The following NAV1 variants were observed in gnomAD, a reference collection of about 807,000 sequenced individuals.
The protein encoded by NAV1 is pore membrane and/or filament interacting like protein 3.
Under a neutral mutation model 175.2 loss-of-function variants are expected in NAV1, and 18 were observed. The observed-to-expected ratio is 0.10, with a 90% CI of 0.07 to 0.15. The LOEUF is 0.15. NAV1 is among the 10% of genes least tolerant of loss of function. The pLI, the probability that NAV1 is intolerant of heterozygous loss-of-function variation, is 1.00. For missense variants in NAV1, 1,731 were observed against 2,436.6 expected (o/e 0.71, Z 6.10); for synonymous variants, 897 against 978.7 (o/e 0.92, Z 1.56).
intron 3 of NAV1, among the ~76,000 whole-genome samples, chr1:201,722,130 C>T (rs1672413050): frequency 6.6e-6 from 1 of 152,222 alleles, no homozygotes; most frequent in East Asian, 1.9e-4. Context: ...TTTATGTTAA[C>T]CATTTTAAAG....
In NAV1 at chr1:201,718,835, A is replaced by G; in HGVS notation, c.1226+80A>G. 1 of 1,525,086 alleles carries G rather than the reference A, an allele frequency of 6.6e-7. No homozygotes were observed. Among genetic ancestry groups the G allele is most frequent in the Non-Finnish European group, 8.9e-7 (1 of 1,129,672 alleles). 94.5% of individuals were successfully genotyped at this position (1,525,086 alleles called of 1,614,324 possible). On this transcript the variant is annotated intron_variant, in intron 3 of 29. Coordinates refer to ENST00000367296, the Ensembl canonical transcript of NAV1. This position sits in a 1 kb window ranked among gnomAD's most constrained non-coding sequence, Gnocchi z 4.8. ...ATGCGACGCCTTAAAAGTGGAGTGG[A>G]ACCCAAAACGGGTTTTGGTTTGCTG...
intron 1 of NAV1, among the ~76,000 whole-genome samples, chr1:201,543,282 T>C (rs1442019463): frequency 6.6e-6 from 1 of 152,132 alleles, no homozygotes; most frequent in Non-Finnish European, 1.5e-5. Flanking sequence ...TAAATGTCCT[T>C]TGTGTTGAGG....
At chr1:201,673,015 C>G (rs145136583) in intron 1 of NAV1, 1 of 152,274 alleles carries the variant, frequency 6.6e-6, no homozygotes, top group Non-Finnish European at 1.5e-5. Flanking sequence ...AAAAGCCTGA[C>G]TCTGGTCTTT....
At chr1:201,638,121 C>T (rs1301343922) in intron 2 of NAV1, among the ~76,000 whole-genome samples, 2 of 152,136 alleles carry the variant, frequency 1.3e-5, no homozygotes, top group Non-Finnish European at 2.9e-5. Context: ...CTCCCTCCAC[C>T]CAATTTCTTA....
intron 1 of NAV1, among the ~76,000 whole-genome samples, chr1:201,699,181 T>C (rs1422337069): frequency 6.6e-6 from 1 of 152,184 alleles, no homozygotes; most frequent in Non-Finnish European, 1.5e-5. Context: ...GATTGTATAT[T>C]TAGAAAACCC....
At chr1:201,651,224 G>A (rs1465952712) in intron 1 of NAV1, among the ~76,000 whole-genome samples, 2 of 151,320 alleles carry the variant, frequency 1.3e-5, no homozygotes, top group East Asian at 3.9e-4. Context: ...ATAGCAGAAG[G>A]CACAGAACCC....
intron 2 of NAV1, among the ~76,000 whole-genome samples, chr1:201,607,979 G>T (rs377488499): frequency 6.0e-5 from 9 of 151,066 alleles, no homozygotes; most frequent in African/African-American, 2.2e-4. Flanking sequence ...ACTTAGTGGG[G>T]TGATAACTTG....
chr1:201,817,502 T>G (rs922162057), intron 29 of NAV1, among the ~76,000 whole-genome samples: 1 of 152,086 alleles, frequency 6.6e-6, no homozygotes, highest in Non-Finnish European at 1.5e-5. Context: ...TTCACACTTT[T>G]CATACATACA....
chr1:201,799,965 G>A (rs1316176791), intron 15 of NAV1, among the ~76,000 whole-genome samples: 1 of 150,278 alleles, frequency 6.7e-6, no homozygotes, highest in Non-Finnish European at 1.5e-5. Context: ...CATATACTTT[G>A]CTACCCTTTA....
Position 201,780,125 on chromosome 1 carries a change from A to T in NAV1, c.1227-296A>T, listed in dbSNP as rs150708217. Among the ~76,000 whole-genome samples the T allele has an allele frequency of 2.0e-5, 3 of 152,370 alleles. No homozygotes were observed. In the East Asian group the frequency reaches 5.8e-4, roughly 29 times the overall value. ...GGAGAGTAAATTGGTTTGTATAATT[A>T]GATTGATCCAAAAATTACCTTGCCT... On this transcript the variant is annotated intron_variant, in intron 3 of 29. Coordinates refer to ENST00000367296, the Ensembl canonical transcript of NAV1.
intron 1 of NAV1, among the ~76,000 whole-genome samples, chr1:201,662,454 G>A (rs1669650992): frequency 6.6e-6 from 1 of 152,244 alleles, no homozygotes; most frequent in African/African-American, 2.4e-5. Context: ...CCTTGGCCTG[G>A]AGCCCTAGTG....
At chr1:201,573,831 T>C (rs1666616981) in intron 1 of NAV1, among the ~76,000 whole-genome samples, 1 of 152,154 alleles carries the variant, frequency 6.6e-6, no homozygotes, top group Non-Finnish European at 1.5e-5. Context: ...AGCGGGTGCC[T>C]GGACCCCAAG....
chr1:201,725,906 A>C (rs1328825762), intron 3 of NAV1, among the ~76,000 whole-genome samples: 3 of 152,214 alleles, frequency 2.0e-5, no homozygotes, highest in Non-Finnish European at 4.4e-5. Flanking sequence ...GCAGTGAGCT[A>C]TGATCACACC....
At chr1:201,793,852 C>T (rs199921209) in exon 14 of NAV1, 339 of 1,385,562 alleles carry the variant, frequency 2.4e-4, no homozygotes, top group African/African-American at 4.6e-5. Context: ...CCTGCGACAC[C>T]TGGCAGAGAC....
At chr1:201,575,076 C>G (rs190843739) in intron 1 of NAV1, among the ~76,000 whole-genome samples, 1 of 152,368 alleles carries the variant, frequency 6.6e-6, no homozygotes, top group Admixed American at 6.5e-5. Flanking sequence ...CTAGATGGTG[C>G]TTTCTCCTTT....
intron 15 of NAV1, among the ~76,000 whole-genome samples, chr1:201,802,472 A>AAAAG (rs1553278341): frequency 1.6e-5 from 2 of 128,438 alleles, no homozygotes; most frequent in African/African-American, 5.3e-5. Context: ...AAAAAAAAAA[A>AAAAG]AAAAGAAAGA....
intron 2 of NAV1, among the ~76,000 whole-genome samples, chr1:201,601,481 T>TA (rs1317567101): frequency 1.3e-5 from 2 of 151,940 alleles, no homozygotes; most frequent in African/African-American, 2.4e-5. Context: ...AGACCTTGTC[T>TA]AAAAAAAATA....
Position 201,564,149 on chromosome 1 carries a change from G to A in NAV1, c.-143-24390G>A, listed in dbSNP as rs181499994. ...AAGGAGGGAGGGAGGGAGGAAGAAA[G>A]GAAGGAAGGAAGGCAGGCAGGCAGG... On this transcript the variant is annotated intron_variant, in intron 1 of 33. Coordinates refer to the NAV1 transcript ENST00000685211. Among the ~76,000 whole-genome samples, 1,240 of 151,686 alleles carry A rather than the reference G, an allele frequency of 8.2e-3. 15 individuals are homozygous for A. Among genetic ancestry groups the A allele is most frequent in the African/African-American group, 0.027 (1,115 of 41,348 alleles).
intron 15 of NAV1, among the ~76,000 whole-genome samples, chr1:201,803,320 G>C (rs1377069259): frequency 6.6e-6 from 1 of 152,212 alleles, no homozygotes; most frequent in Non-Finnish European, 1.5e-5. Flanking sequence ...TCCTTAGACT[G>C]ATTCAAGCTG....
Sources: gnomAD v4.1 joint callset for allele counts (sites outside exome capture counted in the v4.1 genomes callset) on GRCh38, gnomAD v4.1.1 for gene constraint, Gnocchi (gnomAD v3.1) non-coding constraint, MANE v1.5 for transcripts, NCBI Gene and HGNC (gene_info 2026-07-23, HGNC 2026-07-21) for gene names.